Variants in CWF19L2 observed in about 807,000 individuals in gnomAD.
CWF19L2 encodes CWF19 like cell cycle control factor 2.
In CWF19L2, 98 loss-of-function variants were observed where a neutral mutation model predicts 111.7. The ratio of observed to expected loss-of-function variants is 0.88; its 90% CI spans 0.75 to 1.04. The LOEUF (loss-of-function observed/expected upper bound fraction) is 1.04, where lower values mean the gene tolerates loss of function less well. Ranked by LOEUF, CWF19L2 falls within the 50% of genes least tolerant of loss-of-function variation. The pLI, the probability that CWF19L2 is intolerant of heterozygous loss-of-function variation, is 0.00. For missense variants in CWF19L2, 1,101 were observed against 1,051.4 expected (o/e 1.05, Z -0.65); for synonymous variants, 351 against 342.9 (o/e 1.02, Z -0.26).
rs1271940472 is a variant in CWF19L2, at chr11:107,353,549, T to C, written c.2060A>G (p.His687Arg). ...YCFDSSQFPKHLIVAIGVKVY... is the reference protein window; with the variant it reads ...YCFDSSQFPKRLIVAIGVKVY... ...CTTAACACCTATTGCAACAATAAGA[T>C]GCTTGGGAAATTGAGAGCTGTCAAA... Residue 687 changes from histidine to arginine, a missense_variant, in exon 13 of 18, where the codon CAT (histidine) becomes CGT (arginine). By Grantham distance (29) the His-to-Arg change is conservative. Transcript: ENST00000282251. 2 of 1,613,570 alleles carry C rather than the reference T, an allele frequency of 1.2e-6. No homozygotes were observed. Among genetic ancestry groups the C allele is most frequent in the Non-Finnish European group, 1.7e-6 (2 of 1,179,706 alleles).
intron 12 of CWF19L2, among the ~76,000 whole-genome samples, chr11:107,386,342 A>G (rs1358695426): frequency 6.6e-6 from 1 of 152,106 alleles, no homozygotes; most frequent in Non-Finnish European, 1.5e-5. Flanking sequence ...TTAAGAACCT[A>G]CCTACATCTG....
chr11:107,398,794 G>A (rs867451814), intron 10 of CWF19L2, among the ~76,000 whole-genome samples: 11 of 152,172 alleles, frequency 7.2e-5, no homozygotes, highest in Admixed American at 2.6e-4. Flanking sequence ...GAAGCACCAG[G>A]TAACCTATAA....
At chr11:107,414,771 C>T (rs1013029540) in intron 10 of CWF19L2, among the ~76,000 whole-genome samples, 50 of 152,162 alleles carry the variant, frequency 3.3e-4, no homozygotes, top group Middle Eastern at 3.4e-3. Flanking sequence ...CCACCCCCCA[C>T]CTAAACCACC....
chr11:107,442,788 AAGGAAGGGAGGGAGGGAGGGAGG>A, intron 4 of CWF19L2, 128 bp downstream of exon 4: 1 of 218,358 alleles, frequency 4.6e-6, no homozygotes, highest in Non-Finnish European at 7.2e-6. Context: ...GGAAGGAAGG[AAGGAAGGGAGGGAGGGAGGGAGG>A]GAGGGAGGGG....
At chr11:107,414,118 T>C (rs1489858445) in intron 10 of CWF19L2, among the ~76,000 whole-genome samples, 1 of 152,180 alleles carries the variant, frequency 6.6e-6, no homozygotes, top group Non-Finnish European at 1.5e-5. Context: ...ATGGACTACC[T>C]CAAAGGATAC....
chr11:107,430,847 T>G (rs1234359666), intron 7 of CWF19L2, among the ~76,000 whole-genome samples: 3 of 151,564 alleles, frequency 2.0e-5, no homozygotes, highest in Non-Finnish European at 4.4e-5. Flanking sequence ...GAAAATTTGC[T>G]AAGAGAGTAG....
At chr11:107,430,594 C>T (rs535421975) in intron 7 of CWF19L2, among the ~76,000 whole-genome samples, 2 of 152,116 alleles carry the variant, frequency 1.3e-5, no homozygotes, top group South Asian at 2.1e-4. Context: ...ATGCTAAAAA[C>T]CAAATGTCAA....
chr11:107,355,331 C>T (rs962674931), intron 12 of CWF19L2, among the ~76,000 whole-genome samples: 20 of 151,358 alleles, frequency 1.3e-4, no homozygotes, highest in Non-Finnish European at 5.9e-5. Context: ...AGGAGAATCG[C>T]TTGAACCAGG....
Position 107,429,288 on chromosome 11 carries a change from C to T in CWF19L2, c.944G>A (p.Arg315Lys). The change falls in exon 8 of 18, where the codon AGG becomes AAG. Residue 315 changes from arginine to lysine, a missense_variant. Arg to Lys is a conservative substitution (Grantham distance 26, BLOSUM62 2). Coordinates refer to ENST00000282251, the MANE Select transcript of CWF19L2 (RefSeq NM_152434.3). Reference protein sequence around the residue: ...SDLVKYGNSSRDRYATTDTAK... With the variant: ...SDLVKYGNSSKDRYATTDTAK... Reference sequence around the variant, plus strand: ...AGTATCTGTTGTAGCATATCTATCCCTTGAACTGTTACCATATTTTACTAA... The same window carrying T: ...AGTATCTGTTGTAGCATATCTATCCTTTGAACTGTTACCATATTTTACTAA... The T allele has an allele frequency of 6.2e-7, 1 of 1,613,086 alleles. No individual in the cohort carries two copies. Among genetic ancestry groups the T allele is most frequent in the East Asian group, 2.2e-5 (1 of 44,854 alleles).
chr11:107,352,422 T>C (rs888807446), intron 13 of CWF19L2, among the ~76,000 whole-genome samples: 5 of 152,144 alleles, frequency 3.3e-5, no homozygotes, highest in Admixed American at 2.0e-4. Context: ...TGACAAACAC[T>C]AGATACTCAG....
intron 7 of CWF19L2, 134 bp from the exon 8 acceptor site, chr11:107,429,585 T>A (rs1460427932): frequency 9.7e-6 from 6 of 617,864 alleles, no homozygotes; most frequent in Admixed American, 3.2e-5. Flanking sequence ...AGAAGACCCA[T>A]ACAATCATCC....
At position 107,445,206 on chromosome 11, in the gene CWF19L2, A is replaced by G. The variant is rs1268959294; in HGVS notation, c.340-2157T>C. 2.6e-5 allele frequency among the ~76,000 whole-genome samples: 4 copies of G among 152,306 alleles called. No individual in the cohort carries two copies. The East Asian group carries it at 7.7e-4, about 29-fold the overall frequency. Reference sequence around the variant, plus strand: ...TTCCTACATCTATATGTCTTATGAGAATTTTGTACTTTAATAATAAATCCT... The same window carrying G: ...TTCCTACATCTATATGTCTTATGAGGATTTTGTACTTTAATAATAAATCCT... On this transcript the variant is annotated intron_variant, in intron 3 of 17. Coordinates refer to ENST00000282251, the MANE Select transcript of CWF19L2 (RefSeq NM_152434.3).
intron 5 of CWF19L2, among the ~76,000 whole-genome samples, chr11:107,440,942 A>C (rs1218288785): frequency 6.6e-6 from 1 of 152,218 alleles, no homozygotes; most frequent in Non-Finnish European, 1.5e-5. Context: ...GAAAAGAAAC[A>C]TATGCTCCTG....
At chr11:107,361,967 G>A (rs532372677) in intron 12 of CWF19L2, among the ~76,000 whole-genome samples, 9 of 152,312 alleles carry the variant, frequency 5.9e-5, no homozygotes, top group East Asian at 1.9e-4. Context: ...GTGGGTGCAC[G>A]CACCGTGCGT....
intron 12 of CWF19L2, among the ~76,000 whole-genome samples, chr11:107,358,873 G>A (rs2134552767): frequency 6.6e-6 from 1 of 152,202 alleles, no homozygotes; most frequent in South Asian, 2.1e-4. Flanking sequence ...CTGGTCTTGA[G>A]GACTCCCCAA....
chr11:107,418,960 A>C (rs1013081772), intron 8 of CWF19L2, among the ~76,000 whole-genome samples: 2 of 152,228 alleles, frequency 1.3e-5, no homozygotes, highest in Admixed American at 6.5e-5. Flanking sequence ...AGTAAAGGAG[A>C]CATAGCCAGG....
At chr11:107,350,328 G>A (rs1187320884) in intron 13 of CWF19L2, among the ~76,000 whole-genome samples, 3 of 152,102 alleles carry the variant, frequency 2.0e-5, no homozygotes, top group Non-Finnish European at 4.4e-5. Flanking sequence ...GAATGTCTGT[G>A]TGCCTCCAAA....
At chr11:107,379,372 G>A (rs537559422) in intron 12 of CWF19L2, among the ~76,000 whole-genome samples, 1 of 152,282 alleles carries the variant, frequency 6.6e-6, no homozygotes, top group Non-Finnish European at 1.5e-5. Context: ...CAGAGGCCAG[G>A]GATGCTACTA....
chr11:107,342,659 T>G (rs34785071), intron 14 of CWF19L2, among the ~76,000 whole-genome samples: 18,863 of 152,138 alleles, frequency 0.12, 1,487 homozygotes, highest in Non-Finnish European at 0.17. Flanking sequence ...TGCTGACTGA[T>G]GGTTATAGCA....
Sources: gnomAD v4.1 joint callset for allele counts (sites outside exome capture counted in the v4.1 genomes callset) on GRCh38, gnomAD v4.1.1 for gene constraint, MANE v1.5 for transcripts, NCBI Gene and HGNC (gene_info 2026-07-23, HGNC 2026-07-21) for gene names.